RTTN: variants seen among roughly 807,000 people sequenced by gnomAD.
RTTN encodes the protein rotatin.
Under a neutral mutation model 269.2 loss-of-function variants are expected in RTTN, and 182 were observed. The observed-to-expected ratio is 0.68, with a 90% confidence interval of 0.60 to 0.76. RTTN has a LOEUF of 0.76. RTTN is among the 30% of genes least tolerant of loss of function. The pLI, the probability that RTTN is intolerant of heterozygous loss-of-function variation, is 0.00. For missense variants in RTTN, 2,545 were observed against 2,608.6 expected, an observed-to-expected ratio of 0.98 and a Z score of 0.53; for synonymous variants, 1,006 against 963.5, an observed-to-expected ratio of 1.04 and a Z score of -0.82.
In RTTN at chr18:70,135,164, T is replaced by C. The variant is rs2060094324; in HGVS notation, c.2885+20A>G. 7 of 1,359,776 alleles carry C rather than the reference T, an allele frequency of 5.1e-6. No homozygotes were observed. Among genetic ancestry groups the C allele is most frequent in the Non-Finnish European group, 7.1e-6 (7 of 990,536 alleles). The allele number at this position is 1,359,776 out of a possible 1,614,324, so 84.2% of individuals were successfully genotyped here. On this transcript the variant is annotated intron_variant, in intron 22 of 48. Transcript: ENST00000640769. The stretch of plus-strand genomic sequence containing the variant: ...GATAAATAGTTAAGAGTAAAAAACT[T>C]ATAAATTCTTATATCTCACCACATA...
intron 44 of RTTN, chr18:70,021,037 C>A (rs1599134344): frequency 2.5e-6 from 1 of 406,616 alleles, no homozygotes. Context: ...TTTAAGACAC[C>A]AGGTTTATTT....
intron 14 of RTTN, among the ~76,000 whole-genome samples, chr18:70,162,736 C>T (rs1023676121): frequency 1.3e-5 from 2 of 151,290 alleles, no homozygotes; most frequent in African/African-American, 4.9e-5. Flanking sequence ...AAAGACAAAC[C>T]ATATCAGAGG....
At chr18:70,156,126 C>T (rs957086832) in intron 14 of RTTN, among the ~76,000 whole-genome samples, 2 of 152,202 alleles carry the variant, frequency 1.3e-5, no homozygotes, top group African/African-American at 2.4e-5. Context: ...TCACCTTAAA[C>T]TCTGACTGCC....
intron 42 of RTTN, 117 bp from the exon 43 acceptor site, chr18:70,028,918 C>T (rs941955868): frequency 2.2e-5 from 12 of 557,398 alleles, no homozygotes; most frequent in Non-Finnish European, 3.4e-5. Flanking sequence ...CTAATCATGC[C>T]CAACCACTGT....
At chr18:70,202,399 A>G (rs529199008) in intron 3 of RTTN, among the ~76,000 whole-genome samples, 1 of 152,328 alleles carries the variant, frequency 6.6e-6, no homozygotes, top group Non-Finnish European at 1.5e-5. Flanking sequence ...ATTATCTTTC[A>G]ATACCTTTAC....
intron 40 of RTTN, 83 bp downstream of exon 40, chr18:70,047,888 G>C (rs2057536500): frequency 9.7e-7 from 1 of 1,034,040 alleles, no homozygotes; most frequent in African/African-American, 1.6e-5. Flanking sequence ...AAATGACTGA[G>C]ACAGTTTTTA....
chr18:70,197,840 A>C, intron 5 of RTTN, 102 bp from the exon 6 acceptor site: 3 of 724,266 alleles, frequency 4.1e-6, no homozygotes, highest in Non-Finnish European at 7.1e-6. Context: ...TTTGGGTCTC[A>C]GCTGAGATAT....
intron 36 of RTTN, among the ~76,000 whole-genome samples, chr18:70,059,557 T>A (rs2057916467): frequency 6.6e-6 from 1 of 152,198 alleles, no homozygotes; most frequent in Non-Finnish European, 1.5e-5. Flanking sequence ...TAGCACCATA[T>A]TCCTTAAGTG....
At chr18:70,013,314 A>G (rs2056446193) in intron 46 of RTTN, among the ~76,000 whole-genome samples, 1 of 146,538 alleles carries the variant, frequency 6.8e-6, no homozygotes, top group Non-Finnish European at 1.5e-5. Context: ...CTCTGATCTA[A>G]GTAAGTTTAT....
chr18:70,137,259 T>G (rs114992602), intron 21 of RTTN, among the ~76,000 whole-genome samples: 1 of 152,180 alleles, frequency 6.6e-6, no homozygotes, highest in Non-Finnish European at 1.5e-5. Context: ...CCAATAACCA[T>G]TTTTTGGTTA....
At chr18:70,124,393 T>C (rs1015135640) in intron 25 of RTTN, among the ~76,000 whole-genome samples, 4 of 151,896 alleles carry the variant, frequency 2.6e-5, no homozygotes, top group African/African-American at 4.8e-5. Context: ...AGAAAACAAA[T>C]ATTTAAACAA....
chr18:70,134,508 T>C lies in RTTN; in HGVS notation c.2919A>G (p.Pro973=), dbSNP rs767179822. Residue 973 remains proline, a synonymous_variant, in exon 23 of 49, where the codon CCA becomes CCG. Transcript: ENST00000640769. ...CGGAAACAGGCAAACTGAAGACCGA[T>C]GGCAAAGAAGGTTTATTGGAAGGAT... ...SVNPSNKPSL[P]SVFSLPVSVF... 1.6e-5 allele frequency: 26 copies of C among 1,610,594 alleles called. No individual in the cohort carries two copies. The highest frequency in any genetic ancestry group is 2.1e-5 in the Non-Finnish European group (25 of 1,178,328).
chr18:70,086,505 G>A lies in RTTN; in HGVS notation c.4374+108C>T, dbSNP rs116995577. 2.4e-4 allele frequency: 217 copies of A among 917,266 alleles called. 1 individual carries two copies. The highest frequency in any genetic ancestry group is 3.4e-4 in the Non-Finnish European group (199 of 578,566). 56.8% of individuals were successfully genotyped at this position (917,266 alleles called of 1,614,324 possible). A position where few individuals can be genotyped will look rare whatever the true frequency, so the allele number is the denominator to read the frequency against. ...CGTTCTATTTTAAGAGGCCCTTGCT[G>A]TCTTGTATATAGTTTCATCAATAAT... is the stretch of plus-strand genomic sequence containing the variant. On this transcript the variant is annotated intron_variant, in intron 32 of 48. Coordinates refer to ENST00000640769, the MANE Select transcript of RTTN (RefSeq NM_173630.4).
chr18:70,121,105 G>A (rs73964501), intron 26 of RTTN, among the ~76,000 whole-genome samples: 5,652 of 151,912 alleles, frequency 0.037, 136 homozygotes, highest in African/African-American at 0.062. Context: ...AAATCTGACA[G>A]TAGTGGGGGC....
rs1050891749 is a variant in RTTN at position 70,073,887 on chromosome 18, A to G, written c.4653+19T>C. On this transcript the variant is annotated intron_variant, in intron 34 of 48. Transcript: ENST00000640769. ...TTCAGAGATTCAAAATAAAGGACTT[A>G]TGCATTCTTTGCAAGTACCGTTGTT... 11 of 1,569,046 alleles carry G rather than the reference A, an allele frequency of 7.0e-6. No individual in the cohort carries two copies. Among genetic ancestry groups the G allele is most frequent in the Admixed American group, 1.7e-5 (1 of 59,656 alleles).
Position 70,188,131 on chromosome 18 carries a change from T to C in RTTN, c.1282A>G (p.Ser428Gly). ...EAISTDIWDD[S>G]SLFGIDMKEK... ...ACCATATCTATACCAAAAAGGCTGC[T>C]GTCATCCCAGATATCTGTTGAAATT... Residue 428 changes from serine (S) to glycine (G), a missense_variant, in exon 10 of 49, where the codon AGC becomes GGC. Coordinates refer to ENST00000640769, the MANE Select transcript of RTTN (RefSeq NM_173630.4). 1 of 1,601,974 alleles carries C rather than the reference T, an allele frequency of 6.2e-7. No individual in the cohort carries two copies. Among genetic ancestry groups the C allele is most frequent in the Non-Finnish European group, 8.6e-7 (1 of 1,169,246 alleles).
At chr18:70,085,800 A>G (rs551122722) in intron 32 of RTTN, among the ~76,000 whole-genome samples, 2 of 152,270 alleles carry the variant, frequency 1.3e-5, no homozygotes, top group African/African-American at 2.4e-5. Context: ...AAAGACAGAC[A>G]TAACAGACAC....
At chr18:70,031,848 C>G (rs2057022024) in intron 40 of RTTN, among the ~76,000 whole-genome samples, 1 of 151,860 alleles carries the variant, frequency 6.6e-6, no homozygotes, top group African/African-American at 2.4e-5. Flanking sequence ...GGGGAGGAAG[C>G]TGGGGACCCT....
intron 35 of RTTN, among the ~76,000 whole-genome samples, chr18:70,065,116 T>C (rs1333261419): frequency 6.6e-6 from 1 of 152,152 alleles, no homozygotes; most frequent in African/African-American, 2.4e-5. Flanking sequence ...AAAGTTTTAA[T>C]TCAGCAAGTT....
Sources: allele counts gnomAD v4.1 joint callset (sites outside exome capture counted in the v4.1 genomes callset), GRCh38; gene constraint gnomAD v4.1.1; transcripts MANE v1.5; gene names NCBI Gene and HGNC (gene_info 2026-07-23, HGNC 2026-07-21).